M1AP: variants seen among roughly 807,000 people sequenced by gnomAD.
M1AP encodes the protein meiosis 1 associated protein.
A neutral mutation model predicts 51.2 loss-of-function variants in M1AP; 39 were observed. That is an observed-to-expected ratio of 0.76 (90% confidence interval 0.59 to 1.00). The LOEUF (loss-of-function observed/expected upper bound fraction) is 1.00, where lower values mean the gene tolerates loss of function less well. Among genes scored for constraint, M1AP ranks in the 50% least tolerant of loss-of-function variants. The pLI is 0.00. For missense variants in M1AP, 545 were observed against 641.2 expected, an observed-to-expected ratio of 0.85 and a Z score of 1.62; for synonymous variants, 251 against 249.2, an observed-to-expected ratio of 1.01 and a Z score of -0.07.
chr2:74,613,934 G>A (rs542011667), intron 3 of M1AP, among the ~76,000 whole-genome samples: 5 of 152,170 alleles, frequency 3.3e-5, no homozygotes, highest in African/African-American at 1.2e-4. Context: ...GACTATAGGT[G>A]CACACCACCA....
At chr2:74,591,430 A>G (rs1310802352) in intron 4 of M1AP, among the ~76,000 whole-genome samples, 4 of 152,242 alleles carry the variant, frequency 2.6e-5, no homozygotes, top group Non-Finnish European at 4.4e-5. Flanking sequence ...AGGGACTAAT[A>G]CATATATTCT....
At chr2:74,628,841 G>C (rs1363682902) in intron 2 of M1AP, 2 of 443,898 alleles carry the variant, frequency 4.5e-6, no homozygotes, top group Non-Finnish European at 9.0e-6. Flanking sequence ...CGATACCACT[G>C]AATATCTGAT....
rs538501627 is a variant in M1AP at position 74,578,421 on chromosome 2, T to G, written c.770-1803A>C. Among the ~76,000 whole-genome samples, 3 of 143,598 alleles carry G rather than the reference T, an allele frequency of 2.1e-5. No homozygotes were observed. In the South Asian group the frequency reaches 7.4e-4, roughly 35 times the overall value. 94.2% of individuals were successfully genotyped at this position (143,598 alleles called of 152,430 possible). A position where few individuals can be genotyped will look rare whatever the true frequency, so the allele number is the denominator to read the frequency against. ...ATCCCTCCCCCAAACCCCCACCCCA[T>G]GACAGGCCCCGGTGTATGATGTTCC... On this transcript the variant is annotated intron_variant, in intron 5 of 10. Coordinates refer to ENST00000421985, the MANE Select transcript of M1AP (RefSeq NM_001321739.2).
At chr2:74,576,407 C>T in intron 6 of M1AP, 49 bp downstream of exon 6, 1 of 1,591,338 alleles carries the variant, frequency 6.3e-7, no homozygotes, top group Non-Finnish European at 8.6e-7. Context: ...GCCACAGAAC[C>T]ACTAAGAATA....
intron 2 of M1AP, chr2:74,628,564 A>G: frequency 1.8e-6 from 1 of 550,248 alleles, no homozygotes; most frequent in South Asian, 1.6e-5. Context: ...CCCAATCAAA[A>G]GATTCTTGAT....
chr2:74,575,960 C>T (rs1330993111), intron 6 of M1AP, among the ~76,000 whole-genome samples: 1 of 152,214 alleles, frequency 6.6e-6, no homozygotes, highest in African/African-American at 2.4e-5. Flanking sequence ...TCAAGCGATC[C>T]TCCTGCCTCA....
rs753902992 is a variant in M1AP, at chr2:74,558,831, G to T, written c.1478C>A (p.Pro493His). 1.2e-6 allele frequency: 2 copies of T among 1,606,140 alleles called. No individual in the cohort carries two copies. Among genetic ancestry groups the T allele is most frequent in the Non-Finnish European group, 1.7e-6 (2 of 1,176,800 alleles). ...QTNRARATVA[P>H]LPMTPVPGRA... Reference sequence around the variant, plus strand: ...GCCTGGGACAGGAGTCATAGGCAGGGGGGCCACAGTAGCTCGAGCTCGGTT... The same window carrying T: ...GCCTGGGACAGGAGTCATAGGCAGGTGGGCCACAGTAGCTCGAGCTCGGTT... Residue 493 changes from proline (P) to histidine (H), a missense_variant, in exon 11 of 11, where the codon CCC (proline) becomes CAC (histidine). By Grantham distance (77) the Pro-to-His change is moderately conservative. Transcript: ENST00000421985.
intron 2 of M1AP, chr2:74,618,884 T>C (rs1199961712): frequency 1.5e-5 from 8 of 517,848 alleles, no homozygotes; most frequent in Non-Finnish European, 3.1e-5. Flanking sequence ...TTGTTCAGTC[T>C]TACAGCTCTT....
chr2:74,613,594 C>T (rs886081464), intron 3 of M1AP, among the ~76,000 whole-genome samples: 1 of 152,096 alleles, frequency 6.6e-6, no homozygotes, highest in Non-Finnish European at 1.5e-5. Flanking sequence ...TTTGGTATTT[C>T]CCTTCTTCCA....
At chr2:74,593,647 C>CT (rs1680169125) in intron 4 of M1AP, among the ~76,000 whole-genome samples, 1 of 152,198 alleles carries the variant, frequency 6.6e-6, no homozygotes, top group African/African-American at 2.4e-5. Flanking sequence ...TTCCAAAGAG[C>CT]TGGGATTACA....
At chr2:74,561,190 G>GAGGAGGAGA in intron 8 of M1AP, among the ~76,000 whole-genome samples, 1 of 142,820 alleles carries the variant, frequency 7.0e-6, no homozygotes, top group South Asian at 2.2e-4. Flanking sequence ...GGAGAAGGAG[G>GAGGAGGAGA]AGGAGGAGAA....
intron 4 of M1AP, among the ~76,000 whole-genome samples, chr2:74,587,291 C>T (rs1157123391): frequency 1.3e-5 from 2 of 151,876 alleles, no homozygotes; most frequent in East Asian, 2.0e-4. Flanking sequence ...CTCCACCTCC[C>T]GGGTTCACGC....
At chr2:74,612,859 T>C (rs1010425382) in intron 3 of M1AP, among the ~76,000 whole-genome samples, 1 of 152,184 alleles carries the variant, frequency 6.6e-6, no homozygotes, top group African/African-American at 2.4e-5. Flanking sequence ...TCATTATTAT[T>C]CAAATGTTTC....
chr2:74,603,518 A>G (rs1304705930), intron 4 of M1AP, among the ~76,000 whole-genome samples: 2 of 152,214 alleles, frequency 1.3e-5, no homozygotes, highest in Non-Finnish European at 2.9e-5. Context: ...GAGGAAAATG[A>G]ATACAGTAGT....
At chr2:74,561,079 GAGGAGGAGGAGAAGGAGA>G (rs1677904011) in intron 8 of M1AP, among the ~76,000 whole-genome samples, 1 of 77,632 alleles carries the variant, frequency 1.3e-5, no homozygotes, top group African/African-American at 5.5e-5. Flanking sequence ...GGAGGAGGAG[GAGGAGGAGGAGAAGGAGA>G]AGGAGGAGGA....
chr2:74,615,978 G>A (rs1226554626), intron 2 of M1AP, among the ~76,000 whole-genome samples: 1 of 152,160 alleles, frequency 6.6e-6, no homozygotes, highest in Non-Finnish European at 1.5e-5. Context: ...AAATCCATGA[G>A]CATGAGCTGT....
At chr2:74,598,621 C>CT (rs534856535) in intron 4 of M1AP, among the ~76,000 whole-genome samples, 1,501 of 114,376 alleles carry the variant, frequency 0.013, 27 homozygotes, top group Non-Finnish European at 0.019. Flanking sequence ...TGTATATCAA[C>CT]TTTTTTTTTT....
intron 4 of M1AP, among the ~76,000 whole-genome samples, chr2:74,597,390 T>C (rs1373613487): frequency 6.6e-6 from 1 of 152,220 alleles, no homozygotes; most frequent in Admixed American, 6.5e-5. Context: ...ACAGCTGTGT[T>C]TTCTGGTCTA....
At chr2:74,574,690 G>T (rs1285549642) in intron 7 of M1AP, among the ~76,000 whole-genome samples, 1 of 152,200 alleles carries the variant, frequency 6.6e-6, no homozygotes, top group Non-Finnish European at 1.5e-5. Flanking sequence ...AGCTTTGCAT[G>T]ATTTGACCCC....
Sources: allele counts gnomAD v4.1 joint callset (sites outside exome capture counted in the v4.1 genomes callset), GRCh38; gene constraint gnomAD v4.1.1; transcripts MANE v1.5; gene names NCBI Gene and HGNC (gene_info 2026-07-23, HGNC 2026-07-21).